The following CHD8 variants were observed in gnomAD, a reference collection of about 807,000 sequenced individuals.
The protein encoded by CHD8 is ATP-dependent chromatin remodeler CHD8.
Under a neutral mutation model 279.2 loss-of-function variants are expected in CHD8, and 31 were observed. The ratio of observed to expected loss-of-function variants is 0.11; its 90% CI spans 0.08 to 0.15. CHD8 has a LOEUF of 0.15. Among genes scored for constraint, CHD8 ranks in the 10% least tolerant of loss-of-function variants. The probability of loss-of-function intolerance (pLI) is 1.00; values close to 1 mark genes in which losing one functional copy is unlikely to be tolerated. For synonymous variants in CHD8, 1,081 were observed against 1,139.6 expected, an observed-to-expected ratio of 0.95 and a Z score of 1.04; for missense variants, 2,146 against 3,230.5, an observed-to-expected ratio of 0.66 and a Z score of 8.14.
intron 37 of CHD8, among the ~76,000 whole-genome samples, chr14:21,386,559 C>T (rs573031268): frequency 9.2e-5 from 14 of 152,280 alleles, no homozygotes; most frequent in East Asian, 3.9e-4. Flanking sequence ...CACTTGTGAC[C>T]GGGCGCGGTG....
intron 5 of CHD8, among the ~76,000 whole-genome samples, chr14:21,418,436 C>T (rs945784848): frequency 6.6e-6 from 1 of 152,152 alleles, no homozygotes; most frequent in Non-Finnish European, 1.5e-5. Flanking sequence ...ATGAGGATCA[C>T]TTGAATGCAG....
At chr14:21,436,519 T>C (rs1410254511) in intron 1 of CHD8, among the ~76,000 whole-genome samples, 1 of 152,180 alleles carries the variant, frequency 6.6e-6, no homozygotes, top group Non-Finnish European at 1.5e-5. Flanking sequence ...TGGAAAGACA[T>C]AGGACCAAAT....
At chr14:21,392,995 A>G (rs1887618631) in intron 33 of CHD8, 111 bp downstream of exon 33, 1 of 1,289,492 alleles carries the variant, frequency 7.8e-7, no homozygotes, top group Admixed American at 2.8e-5. Flanking sequence ...AAAAACTTGC[A>G]GCAATAAACA....
intron 1 of CHD8, among the ~76,000 whole-genome samples, chr14:21,448,931 T>G (rs1473253534): frequency 6.6e-6 from 1 of 150,722 alleles, no homozygotes; most frequent in African/African-American, 2.4e-5. Context: ...TCCCAGTACT[T>G]TGGGAGGCCG....
intron 5 of CHD8, chr14:21,419,870 C>T (rs572508525): frequency 3.9e-5 from 14 of 362,914 alleles, no homozygotes; most frequent in South Asian, 3.3e-4. Context: ...GTGATGAGCC[C>T]CCAAAAGAAG....
At chr14:21,420,562 G>C (rs1888982572) in intron 5 of CHD8, among the ~76,000 whole-genome samples, 1 of 152,182 alleles carries the variant, frequency 6.6e-6, no homozygotes, top group Non-Finnish European at 1.5e-5. Context: ...TAGAGGAGGA[G>C]AATGGGTATA....
chr14:21,451,163 A>C (rs1890245929), intron 1 of CHD8, among the ~76,000 whole-genome samples: 1 of 152,202 alleles, frequency 6.6e-6, no homozygotes, highest in Non-Finnish European at 1.5e-5. Context: ...ACTAGTGAGA[A>C]TATACTACAG....
rs1889527715 is a variant in CHD8, at chr14:21,430,667, A to G, written c.843+134T>C. Reference sequence around the variant, plus strand: ...AGCAAGTACTAAGTATGTGGCTGTCACACTAACTGATAAAAACCAAAGATG... The same window carrying G: ...AGCAAGTACTAAGTATGTGGCTGTCGCACTAACTGATAAAAACCAAAGATG... On this transcript the variant is annotated intron_variant, in intron 2 of 37. Transcript: ENST00000646647. 4 of 625,228 alleles carry G rather than the reference A, an allele frequency of 6.4e-6. No homozygotes were observed. The South Asian group carries it at 8.0e-5, about 13-fold the overall frequency. 38.7% of individuals were successfully genotyped at this position (625,228 alleles called of 1,614,324 possible). A position where few individuals can be genotyped will look rare whatever the true frequency, so the allele number is the denominator to read the frequency against.
rs373148160 is a variant in CHD8, at chr14:21,429,483, C to A, written c.844-148G>T. ...TCACTTTGTTCATCATCCTATCTGT[C>A]TTGATGCAATCTTTTTTGTTATTTT... On this transcript the variant is annotated intron_variant, in intron 2 of 37. Transcript: ENST00000646647. 440 of 863,378 alleles carry A rather than the reference C, an allele frequency of 5.1e-4. No individual in the cohort carries two copies. The African/African-American group carries it at 6.7e-3, about 13-fold the overall frequency. 53.5% of individuals were successfully genotyped at this position (863,378 alleles called of 1,614,324 possible).
intron 1 of CHD8, chr14:21,436,845 T>C (rs1419387055): frequency 2.7e-5 from 16 of 598,596 alleles, no homozygotes; most frequent in Non-Finnish European, 3.7e-5. Context: ...AAGTGAGGGG[T>C]TGATGGAGAG....
intron 26 of CHD8, chr14:21,398,971 A>G: frequency 2.3e-6 from 1 of 427,390 alleles, no homozygotes; most frequent in South Asian, 1.9e-5. Context: ...ATCACCCTTG[A>G]GGTCCAGCCG....
At position 21,429,327 on chromosome 14, in the gene CHD8, C is replaced by A; in HGVS notation, c.852G>T (p.Ser284=). The A allele has an allele frequency of 1.2e-6, 2 of 1,601,908 alleles. No individual in the cohort carries two copies. The highest frequency in any genetic ancestry group is 1.1e-5 in the South Asian group (1 of 90,210). Residue 284 remains serine, a synonymous_variant, in exon 3 of 38, where the codon TCG becomes TCT. Transcript: ENST00000646647. ...TLTSTPTQGE[S]KRITLVLQQP... ...GCTGGAGGACCAGGGTGATGCGTTT[C>A]GATTCACCCTAAAGTGAAGAAAGGA...
chr14:21,447,825 C>T (rs1890164404), intron 1 of CHD8, among the ~76,000 whole-genome samples: 1 of 151,448 alleles, frequency 6.6e-6, no homozygotes, highest in African/African-American at 2.4e-5. Context: ...CTTTGGGGAA[C>T]ATTAGACTTA....
intron 1 of CHD8, among the ~76,000 whole-genome samples, chr14:21,455,771 C>T (rs1890373686): frequency 6.6e-6 from 1 of 151,910 alleles, no homozygotes; most frequent in Non-Finnish European, 1.5e-5. Context: ...GCCCTGAAAA[C>T]TCCACAGCGT....
In CHD8 at chr14:21,408,322, T is replaced by C; in HGVS notation, c.2720A>G (p.Lys907Arg). Residue 907 changes from lysine (K) to arginine (R), a missense_variant, in exon 13 of 38, where the codon AAA (lysine) becomes AGA (arginine). Lys to Arg is a conservative substitution (Grantham distance 26). Coordinates refer to ENST00000646647, the MANE Select transcript of CHD8 (RefSeq NM_001170629.2). The surrounding 1 kb of genome is among the most constrained non-coding windows in gnomAD (Gnocchi z 4.3). ...AGACATGCAACTCACCCGTGAATCT[T>C]TGCAGTACATTTCATACTGTTGAAT... ...QMIQQYEMYC[K>R]DSRGRLIPGA... 6.2e-7 allele frequency: 1 copy of C among 1,613,008 alleles called. No individual in the cohort carries two copies. Among genetic ancestry groups the C allele is most frequent in the South Asian group, 1.1e-5 (1 of 91,082 alleles).
intron 1 of CHD8, among the ~76,000 whole-genome samples, chr14:21,442,201 G>A (rs1314541418): frequency 1.3e-5 from 2 of 152,206 alleles, no homozygotes; most frequent in South Asian, 4.1e-4. Context: ...GGGTGCAGTG[G>A]CTCATGCCTG....
chr14:21,429,251 G>A lies in CHD8; in HGVS notation c.928C>T (p.Leu310=), dbSNP rs1045822918. Residue 310 remains leucine (L), a synonymous_variant, in exon 3 of 38, where the codon CTA becomes TTA. Coordinates refer to ENST00000646647, the MANE Select transcript of CHD8 (RefSeq NM_001170629.2). The part of the protein sequence containing the change: ...QGHRHVVLGS[L]PGKIVLQGNQ... ...CCCTGTAACACTATCTTGCCTGGTA[G>A]ACTCCCTAGCACAACATGCCGATGT... 1.9e-6 allele frequency: 3 copies of A among 1,613,660 alleles called. No homozygotes were observed. Among genetic ancestry groups the A allele is most frequent in the Non-Finnish European group, 2.5e-6 (3 of 1,179,688 alleles).
At chr14:21,447,371 C>CT (rs1491565302) in intron 1 of CHD8, among the ~76,000 whole-genome samples, 7 of 150,940 alleles carry the variant, frequency 4.6e-5, no homozygotes, top group Non-Finnish European at 4.4e-5. Context: ...GACACTATAT[C>CT]CCTTTTTTTT....
intron 1 of CHD8, chr14:21,436,996 T>G: frequency 7.9e-7 from 1 of 1,269,006 alleles, no homozygotes; most frequent in Admixed American, 2.5e-5. Flanking sequence ...ATGAGGTACA[T>G]GCACTTGAGG....
Sources: gnomAD v4.1 joint callset for allele counts (sites outside exome capture counted in the v4.1 genomes callset) on GRCh38, gnomAD v4.1.1 for gene constraint, Gnocchi (gnomAD v3.1) non-coding constraint, MANE v1.5 for transcripts, NCBI Gene and HGNC (gene_info 2026-07-23, HGNC 2026-07-21) for gene names.